ACER3: variants seen among roughly 807,000 people sequenced by gnomAD.
The protein encoded by ACER3 is alkaline ceramidase 3, also known as alkCDase 3.
Under a neutral mutation model 48.9 loss-of-function variants are expected in ACER3, and 16 were observed. That is an observed-to-expected ratio of 0.33 (90% confidence interval 0.22 to 0.50). The LOEUF is 0.50. Ranked by LOEUF, ACER3 falls within the 20% of genes least tolerant of loss-of-function variation. ACER3 has a pLI of 0.98. For missense variants in ACER3, 227 were observed against 326.0 expected (o/e 0.70, Z 2.34); for synonymous variants, 109 against 107.8 (o/e 1.01, Z -0.07).
At chr11:76,999,889 G>A (rs1479298994) in intron 7 of ACER3, among the ~76,000 whole-genome samples, 2 of 152,104 alleles carry the variant, frequency 1.3e-5, no homozygotes, top group African/African-American at 4.8e-5. Context: ...TCCAGTTTGA[G>A]GCAATCATGA....
intron 9 of ACER3, among the ~76,000 whole-genome samples, 191 bp downstream of exon 9, chr11:77,016,970 G>A (rs995698656): frequency 1.3e-5 from 2 of 151,966 alleles, no homozygotes; most frequent in African/African-American, 4.8e-5. Flanking sequence ...TGAGACAAGT[G>A]AAAACAAAAA....
Position 77,025,412 on chromosome 11 carries a change from T to TATATATATATATATATATATATATATATA in ACER3, c.*5085_*5086insATATATATATATATATATATATATATATA, listed in dbSNP as rs575045221. 36 of 69,144 alleles carry TATATATATATATATATATATATATATATA rather than the reference T, an allele frequency of 5.2e-4. No homozygotes were observed. Among genetic ancestry groups the TATATATATATATATATATATATATATATA allele is most frequent in the African/African-American group, 1.5e-3 (35 of 23,378 alleles). 4.3% of individuals were successfully genotyped at this position (69,144 alleles called of 1,614,324 possible). A position where few individuals can be genotyped will look rare whatever the true frequency, so the allele number is the denominator to read the frequency against. ...ATTCTTTATATATATATATATATAT[T>TATATATATATATATATATATATATATATA]TATTTATTTTTTTGAGACAGAGTCT... is the stretch of plus-strand genomic sequence containing the variant. On this transcript the variant is annotated 3_prime_UTR_variant, in exon 11 of 11. Coordinates refer to ENST00000532485, the MANE Select transcript of ACER3 (RefSeq NM_018367.7).
intron 2 of ACER3, among the ~76,000 whole-genome samples, chr11:76,931,219 A>G (rs1337175710): frequency 7.6e-6 from 1 of 131,116 alleles, no homozygotes; most frequent in Non-Finnish European, 1.6e-5. Flanking sequence ...CCATTATGTA[A>G]TGGCCTTCTT....
intron 2 of ACER3, among the ~76,000 whole-genome samples, chr11:76,947,664 A>G (rs989778306): frequency 6.6e-6 from 1 of 152,164 alleles, no homozygotes; most frequent in Admixed American, 6.5e-5. Context: ...TTTTAGTCCA[A>G]TCTGTCAAAA....
chr11:76,883,425 A>C (rs1945583580), intron 1 of ACER3, among the ~76,000 whole-genome samples: 1 of 143,180 alleles, frequency 7.0e-6, no homozygotes, highest in African/African-American at 2.5e-5. Flanking sequence ...GCTTCTTTTG[A>C]ATGATTTTCT....
At chr11:76,930,004 G>C (rs11237019) in intron 2 of ACER3, among the ~76,000 whole-genome samples, 83,797 of 148,140 alleles carry the variant, frequency 0.57, 26,999 homozygotes, top group Non-Finnish European at 0.73. Flanking sequence ...AGGGAGGATT[G>C]CCTCTTTTTC....
chr11:76,921,618 T>G (rs916952703), intron 1 of ACER3, among the ~76,000 whole-genome samples: 1 of 152,188 alleles, frequency 6.6e-6, no homozygotes, highest in Non-Finnish European at 1.5e-5. Context: ...ACTCCAGGTT[T>G]GTTGTTACTC....
intron 1 of ACER3, among the ~76,000 whole-genome samples, chr11:76,881,375 TA>T (rs1256207599): frequency 6.6e-6 from 1 of 152,178 alleles, no homozygotes; most frequent in Non-Finnish European, 1.5e-5. Context: ...ATCATTTTAT[TA>T]TTGTAATTAT....
intron 1 of ACER3, among the ~76,000 whole-genome samples, chr11:76,865,166 G>A (rs1945044287): frequency 1.6e-5 from 2 of 125,058 alleles, no homozygotes; most frequent in Admixed American, 8.3e-5. Context: ...TGGATTTTTA[G>A]TAGAGACAGG....
chr11:76,918,214 C>T (rs984210168), intron 1 of ACER3, among the ~76,000 whole-genome samples: 1 of 151,572 alleles, frequency 6.6e-6, no homozygotes, highest in African/African-American at 2.4e-5. Flanking sequence ...AATTGAATTA[C>T]ATTTGTGTTT....
At chr11:76,912,697 T>A (rs561759934) in intron 1 of ACER3, among the ~76,000 whole-genome samples, 58 of 128,140 alleles carry the variant, frequency 4.5e-4, no homozygotes, top group African/African-American at 1.3e-3. Flanking sequence ...AGAAAAAAAA[T>A]TTTTTCTCTT....
intron 1 of ACER3, among the ~76,000 whole-genome samples, chr11:76,901,220 C>T (rs1946074721): frequency 6.7e-6 from 1 of 149,980 alleles, no homozygotes; most frequent in African/African-American, 2.5e-5. Context: ...TGGTGTTGAA[C>T]TTATGGGGTT....
In ACER3 at chr11:76,964,253, G is replaced by T. The variant is rs190062876; in HGVS notation, c.267+5222G>T. Among the ~76,000 whole-genome samples, 58 of 151,556 alleles carry T rather than the reference G, an allele frequency of 3.8e-4. 3 individuals are homozygous for T. Among genetic ancestry groups the T allele is most frequent in the African/African-American group, 1.4e-3 (56 of 40,828 alleles). ...TCTGAGATCAAATTGCAAGGCAGCA[G>T]TGAGGCTGGGGGAGGGGCGCCTGCC... On this transcript the variant is annotated intron_variant, in intron 3 of 10. Transcript: ENST00000532485.
chr11:76,946,318 C>G (rs754341325), intron 2 of ACER3, among the ~76,000 whole-genome samples: 5 of 152,120 alleles, frequency 3.3e-5, no homozygotes, highest in Admixed American at 6.5e-5. Context: ...AAGGGTGCAT[C>G]TTAGGAAGGC....
At chr11:76,924,973 C>CAAAAAAAAAAAAAAAAAAAAAAAAAAAAA in intron 1 of ACER3, among the ~76,000 whole-genome samples, 1 of 78,568 alleles carries the variant, frequency 1.3e-5, no homozygotes, top group Non-Finnish European at 2.7e-5. Context: ...AAGACTCTGT[C>CAAAAAAAAAAAAAAAAAAAAAAAAAAAAA]AAAAAAAAAA....
intron 1 of ACER3, among the ~76,000 whole-genome samples, chr11:76,909,598 A>C (rs1946318855): frequency 6.6e-6 from 1 of 152,242 alleles, no homozygotes; most frequent in Non-Finnish European, 1.5e-5. Context: ...TAGAATGGCA[A>C]TCATTAAAAA....
intron 2 of ACER3, among the ~76,000 whole-genome samples, chr11:76,930,290 T>C (rs748112389): frequency 6.6e-6 from 1 of 152,230 alleles, no homozygotes; most frequent in Admixed American, 6.5e-5. Flanking sequence ...TAGTTTGTAT[T>C]TCTGTGGGAT....
intron 1 of ACER3, among the ~76,000 whole-genome samples, chr11:76,869,999 C>T (rs1284562836): frequency 1.3e-5 from 2 of 151,092 alleles, no homozygotes; most frequent in Non-Finnish European, 3.0e-5. Flanking sequence ...GTAGATGGGA[C>T]CACAGATGCG....
chr11:76,909,478 T>G (rs1263660845), intron 1 of ACER3, among the ~76,000 whole-genome samples: 1 of 152,164 alleles, frequency 6.6e-6, no homozygotes, highest in Non-Finnish European at 1.5e-5. Flanking sequence ...CAGACACTTT[T>G]CAAAAGAAGA....
Sources: gnomAD v4.1 joint callset for allele counts (sites outside exome capture counted in the v4.1 genomes callset) on GRCh38, gnomAD v4.1.1 for gene constraint, MANE v1.5 for transcripts, NCBI Gene and HGNC (gene_info 2026-07-23, HGNC 2026-07-21) for gene names.